Variants in MPHOSPH9 observed in about 807,000 individuals in gnomAD.
MPHOSPH9 encodes the protein M-phase phosphoprotein 9.
MPHOSPH9 carries 88 observed loss-of-function variants against 145.5 expected under a neutral mutation model. The observed-to-expected ratio is 0.60, with a 90% confidence interval of 0.51 to 0.72. The LOEUF (loss-of-function observed/expected upper bound fraction) is 0.72, where lower values mean the gene tolerates loss of function less well. MPHOSPH9 is among the 30% of genes least tolerant of loss of function. The pLI is 0.00. For synonymous variants in MPHOSPH9, 435 were observed against 486.2 expected, an observed-to-expected ratio of 0.89 and a Z score of 1.39; for missense variants, 1,238 against 1,386.6, an observed-to-expected ratio of 0.89 and a Z score of 1.70.
At chr12:123,198,892 C>A (rs1247244635) in intron 11 of MPHOSPH9, among the ~76,000 whole-genome samples, 1 of 139,876 alleles carries the variant, frequency 7.1e-6, no homozygotes, top group African/African-American at 2.6e-5. Context: ...ATAGCTTGAT[C>A]TTAGCTTGAA....
intron 15 of MPHOSPH9, 117 bp from the exon 16 acceptor site, chr12:123,176,906 C>G (rs1238160018): frequency 1.3e-6 from 1 of 767,674 alleles, no homozygotes; most frequent in East Asian, 2.7e-5. Flanking sequence ...AGTTGCAAGT[C>G]CATGGCCGGG....
Position 123,191,010 on chromosome 12 carries a change from T to C in MPHOSPH9, c.2241+3376A>G, listed in dbSNP as rs368139452. ...CTGCTCAAACATAACTGTGGTGGGT[T>C]TGTGAATAATTAGAAACAATAACAT... On this transcript the variant is annotated intron_variant, in intron 13 of 23. Transcript: ENST00000606320. 3.9e-4 allele frequency among the ~76,000 whole-genome samples: 59 copies of C among 152,282 alleles called. 1 individual carries two copies. In the South Asian group the frequency reaches 9.8e-3, roughly 25 times the overall value.
upstream of MPHOSPH9, among the ~76,000 whole-genome samples, chr12:123,234,557 G>A (rs2047805674): frequency 6.6e-6 from 1 of 151,988 alleles, no homozygotes; most frequent in Non-Finnish European, 1.5e-5. Context: ...CACCACATCC[G>A]GCTAATTTTT....
At chr12:123,180,529 C>T (rs1471090860) in intron 14 of MPHOSPH9, among the ~76,000 whole-genome samples, 1 of 152,158 alleles carries the variant, frequency 6.6e-6, no homozygotes, top group Admixed American at 6.6e-5. Context: ...AATTGATAAA[C>T]TCAACCCTAC....
rs1412471500 is a variant in MPHOSPH9, at chr12:123,155,943, T to C, written c.*864A>G. 2 of 152,208 alleles carry C rather than the reference T, an allele frequency of 1.3e-5. No homozygotes were observed. Among genetic ancestry groups the C allele is most frequent in the Non-Finnish European group, 2.9e-5 (2 of 68,088 alleles). The allele number at this position is 152,208 out of a possible 1,614,324, so 9.4% of individuals were successfully genotyped here. On this transcript the variant is annotated 3_prime_UTR_variant, in exon 24 of 24. Transcript: ENST00000606320. ...GAAGGAGTGGAAAGGGGTGAACATA[T>C]CCAGATGACAACTATGACGGACAGC...
intron 13 of MPHOSPH9, among the ~76,000 whole-genome samples, chr12:123,190,882 GA>G (rs1433431048): frequency 6.6e-6 from 1 of 152,156 alleles, no homozygotes; most frequent in Non-Finnish European, 1.5e-5. Flanking sequence ...CTGTATGCTT[GA>G]AATGTTGTAT....
chr12:123,189,446 A>C (rs1329016453), intron 13 of MPHOSPH9, among the ~76,000 whole-genome samples: 3 of 152,170 alleles, frequency 2.0e-5, no homozygotes. Context: ...TGGCATAAGG[A>C]GCCACATAGA....
At chr12:123,171,487 G>A (rs1190530306) in intron 16 of MPHOSPH9, among the ~76,000 whole-genome samples, 1 of 149,352 alleles carries the variant, frequency 6.7e-6, no homozygotes, top group Non-Finnish European at 1.5e-5. Context: ...TGTGGCTCAC[G>A]CCTATAATCC....
chr12:123,190,160 T>TC (rs1223393561), intron 13 of MPHOSPH9, among the ~76,000 whole-genome samples: 1 of 150,744 alleles, frequency 6.6e-6, no homozygotes, highest in Non-Finnish European at 1.5e-5. Flanking sequence ...ATTTCTCTTT[T>TC]TTTTTTTTTT....
intron 16 of MPHOSPH9, among the ~76,000 whole-genome samples, chr12:123,172,897 T>TTTTTG (rs2044652367): frequency 7.0e-6 from 1 of 143,022 alleles, no homozygotes; most frequent in Non-Finnish European, 1.5e-5. Flanking sequence ...TTTTTTTTTT[T>TTTTTG]TTGAGACAGA....
intron 8 of MPHOSPH9, among the ~76,000 whole-genome samples, chr12:123,205,630 G>A (rs971942904): frequency 9.9e-5 from 15 of 151,980 alleles, no homozygotes; most frequent in Admixed American, 7.9e-4. Context: ...GCCTTTTCAA[G>A]ACCTGAAGCC....
chr12:123,202,074 G>T, intron 11 of MPHOSPH9, 90 bp downstream of exon 11: 1 of 1,300,382 alleles, frequency 7.7e-7, no homozygotes, highest in Non-Finnish European at 1.0e-6. Flanking sequence ...CAGATCCAAA[G>T]TATTTTCAAA....
chr12:123,160,606 G>A (rs1273261085), intron 23 of MPHOSPH9, 175 bp downstream of exon 23: 5 of 559,104 alleles, frequency 8.9e-6, no homozygotes, highest in Non-Finnish European at 1.3e-5. Flanking sequence ...CTGAAAGCTA[G>A]CTTGCAGTTA....
At chr12:123,204,146 T>C (rs940904156) in intron 8 of MPHOSPH9, among the ~76,000 whole-genome samples, 9 of 151,892 alleles carry the variant, frequency 5.9e-5, no homozygotes, top group African/African-American at 1.9e-4. Flanking sequence ...CTACTAAAAA[T>C]ACAAAATTAG....
rs2046280535 is a variant in MPHOSPH9 at position 123,202,830 on chromosome 12, T to C, written c.1575A>G (p.Thr525=). The C allele has an allele frequency of 3.7e-6, 6 of 1,614,208 alleles. No homozygotes were observed. The highest frequency in any genetic ancestry group is 2.2e-5 in the East Asian group (1 of 44,888). Residue 525 remains threonine, a synonymous_variant, in exon 10 of 24, where the codon ACA becomes ACG. Transcript: ENST00000606320. Reference sequence around the variant, plus strand: ...AACTGGTCCTACTTTCGTTTTGGAATGTCTGATTTTTCCAAGAGTCCACCG... The same window carrying C: ...AACTGGTCCTACTTTCGTTTTGGAACGTCTGATTTTTCCAAGAGTCCACCG... ...ASPVDSWKNQ[T]FQNESRTSST...
chr12:123,178,803 C>A (rs192324270), intron 15 of MPHOSPH9, among the ~76,000 whole-genome samples: 2 of 152,154 alleles, frequency 1.3e-5, no homozygotes, highest in African/African-American at 2.4e-5. Flanking sequence ...AGATTATAGG[C>A]GTGAGCCACT....
chr12:123,218,559 T>C, intron 5 of MPHOSPH9, 60 bp from the exon 6 acceptor site: 1 of 1,525,928 alleles, frequency 6.6e-7, no homozygotes, highest in Non-Finnish European at 9.0e-7. Flanking sequence ...AGAGTCTTGC[T>C]GTGTCGCCCA....
chr12:123,161,012 C>T, intron 22 of MPHOSPH9, 124 bp downstream of exon 22: 1 of 1,365,634 alleles, frequency 7.3e-7, no homozygotes, highest in Non-Finnish European at 1.0e-6. Flanking sequence ...CCGTTGCTAG[C>T]ACAGCTCTGG....
chr12:123,230,109 A>G, intron 2 of MPHOSPH9, 152 bp downstream of exon 2: 1 of 523,096 alleles, frequency 1.9e-6, no homozygotes, highest in South Asian at 2.4e-5. Flanking sequence ...GGCATGAGCC[A>G]CCGCGCCCAG....
Sources: allele counts gnomAD v4.1 joint callset (sites outside exome capture counted in the v4.1 genomes callset), GRCh38; gene constraint gnomAD v4.1.1; transcripts MANE v1.5; gene names NCBI Gene and HGNC (gene_info 2026-07-23, HGNC 2026-07-21).